Variants in GRIP1 observed in about 807,000 individuals in gnomAD.
The protein encoded by GRIP1 is glutamate receptor-interacting protein 1.
Under a neutral mutation model 129.9 loss-of-function variants are expected in GRIP1, and 45 were observed. The ratio of observed to expected loss-of-function variants is 0.35; its 90% CI spans 0.27 to 0.44. The LOEUF (loss-of-function observed/expected upper bound fraction) is 0.44, where lower values mean the gene tolerates loss of function less well. Among genes scored for constraint, GRIP1 ranks in the 20% least tolerant of loss-of-function variants. GRIP1 has a pLI of 1.00. For missense variants in GRIP1, 1,196 were observed against 1,396.8 expected, an observed-to-expected ratio of 0.86 and a Z score of 2.29; for synonymous variants, 530 against 520.8, an observed-to-expected ratio of 1.02 and a Z score of -0.24.
intron 1 of GRIP1, among the ~76,000 whole-genome samples, chr12:66,656,808 C>T (rs1328394694): frequency 6.6e-6 from 1 of 152,106 alleles, no homozygotes; most frequent in African/African-American, 2.4e-5. Flanking sequence ...AACCCGACCT[C>T]CTCTTCTCAG....
intron 1 of GRIP1, among the ~76,000 whole-genome samples, chr12:66,763,807 C>T (rs75505996): frequency 8.5e-5 from 13 of 152,302 alleles, no homozygotes; most frequent in East Asian, 7.7e-4. Flanking sequence ...AAATCACCAA[C>T]GACACTGCTA....
intron 1 of GRIP1, among the ~76,000 whole-genome samples, chr12:66,980,591 C>A (rs1049368065): frequency 1.3e-5 from 2 of 152,200 alleles, no homozygotes; most frequent in African/African-American, 4.8e-5. Context: ...AGCCTGGCAA[C>A]AGAGCGAGAC....
chr12:66,795,055 G>T (rs911944666), intron 1 of GRIP1, among the ~76,000 whole-genome samples: 23 of 152,158 alleles, frequency 1.5e-4, no homozygotes, highest in African/African-American at 5.1e-4. Flanking sequence ...TATAAGCAGG[G>T]TGAAATGTAC....
At chr12:66,351,764 G>A (rs576627942) in intron 24 of GRIP1, among the ~76,000 whole-genome samples, 2 of 152,274 alleles carry the variant, frequency 1.3e-5, no homozygotes, top group Middle Eastern at 6.8e-3. Flanking sequence ...AGGCTTTGAA[G>A]GGGAGTCCTC....
At chr12:66,924,739 G>A (rs957467095) in intron 1 of GRIP1, among the ~76,000 whole-genome samples, 8 of 152,118 alleles carry the variant, frequency 5.3e-5, no homozygotes, top group South Asian at 2.1e-4. Context: ...AGGCCGAGGC[G>A]GGTGGATCAC....
chr12:66,392,183 T>C, intron 19 of GRIP1, 125 bp downstream of exon 19: 3 of 687,594 alleles, frequency 4.4e-6, no homozygotes, highest in Non-Finnish European at 7.8e-6. Context: ...TCAATATGAT[T>C]ATGGCTGCAC....
intron 1 of GRIP1, among the ~76,000 whole-genome samples, chr12:66,949,760 C>CTTTTTTTTTT (rs781123585): frequency 8.2e-5 from 7 of 85,426 alleles, no homozygotes; most frequent in Admixed American, 1.5e-4. Context: ...CATGCTCCTC[C>CTTTTTTTTTT]TTTTTTTTTT....
intron 1 of GRIP1, among the ~76,000 whole-genome samples, chr12:66,630,895 T>C (rs2030700816): frequency 6.6e-6 from 1 of 152,190 alleles, no homozygotes; most frequent in Non-Finnish European, 1.5e-5. Flanking sequence ...TTGTTGGCTA[T>C]ATTTATTGGG....
At chr12:66,980,395 A>G (rs923866143) in intron 1 of GRIP1, among the ~76,000 whole-genome samples, 5 of 151,924 alleles carry the variant, frequency 3.3e-5, no homozygotes, top group Non-Finnish European at 7.4e-5. Flanking sequence ...GGTGAGTTAC[A>G]AGGTCAAGAG....
rs569528527 is a variant in GRIP1 at position 66,717,491 on chromosome 12, T to G, written c.-420+86562A>C. On this transcript the variant is annotated intron_variant, in intron 1 of 4. Transcript: ENST00000538373. Reference sequence around the variant, plus strand: ...GCTTTGCAAAGGGTGTATACACAGATGCAATGACAAGCATCGTGCCAGAAA... The same window carrying G: ...GCTTTGCAAAGGGTGTATACACAGAGGCAATGACAAGCATCGTGCCAGAAA... 1.1e-4 allele frequency among the ~76,000 whole-genome samples: 17 copies of G among 152,200 alleles called. No individual in the cohort carries two copies. In the South Asian group the frequency reaches 3.5e-3, roughly 32 times the overall value.
intron 1 of GRIP1, among the ~76,000 whole-genome samples, chr12:66,607,245 T>C (rs1232931079): frequency 1.3e-5 from 2 of 152,200 alleles, no homozygotes; most frequent in African/African-American, 4.8e-5. Context: ...TAATTTATGA[T>C]ATAAGATGCA....
In GRIP1 at chr12:66,827,387, T is replaced by TGTGTGTGAGA. The variant is rs755458052; in HGVS notation, c.59-230461_59-230460insTCTCACACAC. On this transcript the variant is annotated intron_variant, in intron 1 of 1. Coordinates refer to the GRIP1 transcript ENST00000643019. ...AGGTGTGTGTGTGTGTGTGTGTGTGTGAGAGAGAGAGAGAGAGAGAGAGAG... is the reference window on the plus strand; with the variant it reads ...AGGTGTGTGTGTGTGTGTGTGTGTGTGTGTGTGAGAGAGAGAGAGAGAGAGAGAGAGAGAG... Among the ~76,000 whole-genome samples, 424 of 108,284 alleles carry TGTGTGTGAGA rather than the reference T, an allele frequency of 3.9e-3. 3 individuals carry two copies. Among genetic ancestry groups the TGTGTGTGAGA allele is most frequent in the East Asian group, 0.014 (38 of 2,756 alleles). 71.0% of individuals were successfully genotyped at this position (108,284 alleles called of 152,430 possible).
chr12:67,027,792 A>T (rs1270358246), intron 1 of GRIP1, among the ~76,000 whole-genome samples: 1 of 152,208 alleles, frequency 6.6e-6, no homozygotes, highest in African/African-American at 2.4e-5. Context: ...ATGGCATGAC[A>T]AGAGTCTGGC....
chr12:66,738,572 T>A (rs1470899892), intron 1 of GRIP1, among the ~76,000 whole-genome samples: 1 of 152,010 alleles, frequency 6.6e-6, no homozygotes, highest in Admixed American at 6.6e-5. Context: ...ATCAGAGGAT[T>A]TCAAGCAGGA....
At chr12:66,778,248 G>A (rs893954561) in intron 1 of GRIP1, among the ~76,000 whole-genome samples, 1 of 151,852 alleles carries the variant, frequency 6.6e-6, no homozygotes, top group East Asian at 1.9e-4. Flanking sequence ...ACAATAAAAC[G>A]ATCTCTCCAA....
chr12:66,808,131 C>T (rs1375787569), upstream of GRIP1, among the ~76,000 whole-genome samples: 1 of 151,866 alleles, frequency 6.6e-6, no homozygotes, highest in African/African-American at 2.4e-5. Context: ...CACTCCATAC[C>T]ACAAACTCCA....
intron 1 of GRIP1, among the ~76,000 whole-genome samples, chr12:66,954,271 C>T (rs2041805925): frequency 6.6e-6 from 1 of 152,180 alleles, no homozygotes; most frequent in South Asian, 2.1e-4. Context: ...CTGCTGCTCT[C>T]ACCAATAAAA....
At chr12:66,792,798 T>C (rs181403673) in intron 1 of GRIP1, among the ~76,000 whole-genome samples, 4 of 152,274 alleles carry the variant, frequency 2.6e-5, no homozygotes, top group Non-Finnish European at 5.9e-5. Context: ...ACACTCCAAG[T>C]AGAACACTTT....
chr12:66,511,173 GGA>G (rs1183248340), intron 7 of GRIP1, among the ~76,000 whole-genome samples: 3 of 151,954 alleles, frequency 2.0e-5, no homozygotes, highest in African/African-American at 7.2e-5. Flanking sequence ...GTTTTATAAA[GGA>G]GAGTTTCCCT....
Sources: allele counts gnomAD v4.1 joint callset (sites outside exome capture counted in the v4.1 genomes callset), GRCh38; gene constraint gnomAD v4.1.1; transcripts MANE v1.5; gene names NCBI Gene and HGNC (gene_info 2026-07-23, HGNC 2026-07-21).